VAV3: variants seen among roughly 807,000 people sequenced by gnomAD.
VAV3 encodes vav guanine nucleotide exchange factor 3, also known as guanine nucleotide exchange factor VAV3.
A neutral mutation model predicts 131.2 loss-of-function variants in VAV3; 94 were observed. The ratio of observed to expected loss-of-function variants is 0.72; its 90% CI spans 0.61 to 0.85. The LOEUF is 0.85. Ranked by LOEUF, VAV3 falls within the 40% of genes least tolerant of loss-of-function variation. VAV3 has a pLI of 0.00. For synonymous variants in VAV3, 349 were observed against 342.0 expected, an observed-to-expected ratio of 1.02 and a Z score of -0.22; for missense variants, 939 against 1,002.7, an observed-to-expected ratio of 0.94 and a Z score of 0.86.
At chr1:107,630,832 T>C (rs565425518) in intron 20 of VAV3, among the ~76,000 whole-genome samples, 1 of 152,280 alleles carries the variant, frequency 6.6e-6, no homozygotes, top group South Asian at 2.1e-4. Flanking sequence ...TGATTCCACA[T>C]TTAGACCCAA....
intron 1 of VAV3, among the ~76,000 whole-genome samples, chr1:107,955,924 T>C (rs1484614927): frequency 6.6e-6 from 1 of 152,198 alleles, no homozygotes; most frequent in Non-Finnish European, 1.5e-5. Context: ...CCTTAGTCGC[T>C]CTCCATCACA....
rs868840175 is a variant in VAV3 at position 107,938,489 on chromosome 1, G to A, written c.204+26177C>T. On this transcript the variant is annotated intron_variant, in intron 1 of 26. Transcript: ENST00000370056. Reference sequence around the variant, plus strand: ...ATCTGTTCCCTGTAGAAACAGGTCTGTAGATAAGAAAGGGGCAGAAATGGA... The same window carrying A: ...ATCTGTTCCCTGTAGAAACAGGTCTATAGATAAGAAAGGGGCAGAAATGGA... 4.6e-5 allele frequency among the ~76,000 whole-genome samples: 7 copies of A among 152,300 alleles called. No individual in the cohort carries two copies. In the East Asian group the frequency reaches 1.2e-3, roughly 25 times the overall value.
chr1:107,587,840 C>T (rs1446100346), intron 25 of VAV3, among the ~76,000 whole-genome samples: 2 of 152,190 alleles, frequency 1.3e-5, no homozygotes, highest in Non-Finnish European at 2.9e-5. Context: ...GATCCACCTG[C>T]TTCAGCCTCT....
intron 7 of VAV3, among the ~76,000 whole-genome samples, chr1:107,767,710 C>T (rs973146879): frequency 5.9e-5 from 9 of 152,182 alleles, no homozygotes; most frequent in African/African-American, 1.9e-4. Context: ...TGTGTACATG[C>T]GTGCATGGGG....
chr1:107,669,085 G>C, intron 19 of VAV3: 1 of 1,081,122 alleles, frequency 9.2e-7, no homozygotes, highest in Non-Finnish European at 1.1e-6. Flanking sequence ...GGGAAAAAAA[G>C]AAAAATGAGT....
intron 1 of VAV3, among the ~76,000 whole-genome samples, chr1:107,951,661 AC>A (rs1206967876): frequency 6.6e-6 from 1 of 152,188 alleles, no homozygotes; most frequent in Non-Finnish European, 1.5e-5. Context: ...TGGGCAAAAA[AC>A]ATGAGTAGAC....
intron 22 of VAV3, among the ~76,000 whole-genome samples, chr1:107,606,737 T>C (rs1215387753): frequency 6.6e-6 from 1 of 151,784 alleles, no homozygotes; most frequent in Non-Finnish European, 1.5e-5. Flanking sequence ...AACTTAAGTT[T>C]TCTCTTAATT....
chr1:107,872,522 T>A (rs1217144633), intron 2 of VAV3, among the ~76,000 whole-genome samples: 1 of 152,206 alleles, frequency 6.6e-6, no homozygotes, highest in East Asian at 1.9e-4. Flanking sequence ...ATTCACGACA[T>A]CAGAAATTAT....
rs951501511 is a variant in VAV3 at position 107,834,882 on chromosome 1, C to T, written c.321+40019G>A. Among the ~76,000 whole-genome samples the T allele has an allele frequency of 2.6e-5, 4 of 152,156 alleles. No individual in the cohort carries two copies. The East Asian group carries it at 5.8e-4, about 22-fold the overall frequency. On this transcript the variant is annotated intron_variant, in intron 2 of 26. Coordinates refer to ENST00000370056, the MANE Select transcript of VAV3 (RefSeq NM_006113.5). ...TGGGACAACCTACTCTCACCATGGA[C>T]CTCTGGGATCCTAGCTACAGGAGAT...
intron 2 of VAV3, among the ~76,000 whole-genome samples, chr1:107,822,663 AATAAAT>A (rs745447788): frequency 0.19 from 13,958 of 73,950 alleles, 838 homozygotes; most frequent in East Asian, 0.33. Flanking sequence ...AAAAAAAATA[AATAAAT>A]AAATAAATAA....
chr1:107,945,658 C>T (rs1308444040), intron 1 of VAV3, among the ~76,000 whole-genome samples: 1 of 151,914 alleles, frequency 6.6e-6, no homozygotes, highest in East Asian at 1.9e-4. Flanking sequence ...CCCATCTCTA[C>T]TAAAAATACA....
intron 2 of VAV3, among the ~76,000 whole-genome samples, chr1:107,823,920 A>T (rs1212468684): frequency 6.6e-6 from 1 of 152,154 alleles, no homozygotes. Flanking sequence ...CCAATTTGCA[A>T]ACACCTTGAT....
intron 12 of VAV3, among the ~76,000 whole-genome samples, chr1:107,754,004 T>C (rs1270612328): frequency 6.6e-6 from 1 of 151,966 alleles, no homozygotes; most frequent in African/African-American, 2.4e-5. Context: ...TGATAGGGAA[T>C]AGGAAAAAAA....
intron 1 of VAV3, among the ~76,000 whole-genome samples, chr1:107,962,080 T>C (rs1016148568): frequency 2.6e-5 from 4 of 152,226 alleles, no homozygotes; most frequent in Non-Finnish European, 2.9e-5. Flanking sequence ...AAGTCAGAAG[T>C]GACAGCTTCC....
intron 19 of VAV3, among the ~76,000 whole-genome samples, chr1:107,661,026 A>C (rs1449126875): frequency 2.6e-5 from 4 of 152,182 alleles, no homozygotes; most frequent in Non-Finnish European, 5.9e-5. Flanking sequence ...ATACACACAC[A>C]CATAAAGAAG....
chr1:107,651,310 A>G (rs72703595), intron 19 of VAV3, among the ~76,000 whole-genome samples: 2,987 of 152,258 alleles, frequency 0.02, 32 homozygotes, highest in Middle Eastern at 0.031. Context: ...AGTGCCTTAA[A>G]CATACACTCC....
At chr1:107,769,673 G>C (rs575063336) in intron 6 of VAV3, among the ~76,000 whole-genome samples, 84 of 152,264 alleles carry the variant, frequency 5.5e-4, no homozygotes, top group Non-Finnish European at 9.9e-4. Context: ...CCCATTCAAA[G>C]TCTAATAGGT....
rs142595791 is a variant in VAV3, at chr1:107,906,381, C to T, written c.205-31364G>A. Among the ~76,000 whole-genome samples, 1,024 of 152,194 alleles carry T rather than the reference C, an allele frequency of 6.7e-3. 9 individuals are homozygous for T. The highest frequency in any genetic ancestry group is 0.034 in the Middle Eastern group (10 of 294). On this transcript the variant is annotated intron_variant, in intron 1 of 26. Coordinates refer to ENST00000370056, the MANE Select transcript of VAV3 (RefSeq NM_006113.5). ...GGAAGTCTTGTATAAAATAACAAAT[C>T]GGGCTGGGCACGGTGGCTCACGCCT...
At chr1:107,916,186 A>C (rs1235902891) in intron 1 of VAV3, among the ~76,000 whole-genome samples, 4 of 152,138 alleles carry the variant, frequency 2.6e-5, no homozygotes, top group African/African-American at 7.2e-5. Context: ...GTTGCACACA[A>C]AAAAATATAT....
Sources: allele counts gnomAD v4.1 joint callset (sites outside exome capture counted in the v4.1 genomes callset), GRCh38; gene constraint gnomAD v4.1.1; transcripts MANE v1.5; gene names NCBI Gene and HGNC (gene_info 2026-07-23, HGNC 2026-07-21).